PAWR: variants seen among roughly 807,000 people sequenced by gnomAD.
PAWR encodes the protein pro-apoptotic WT1 regulator, also known as PRKC apoptosis WT1 regulator protein.
In PAWR, 23 loss-of-function variants were observed where a neutral mutation model predicts 32.0. That is an observed-to-expected ratio of 0.72 (90% CI 0.52 to 1.02). The LOEUF is 1.02. PAWR is among the 50% of genes least tolerant of loss of function. The pLI is 0.00. For missense variants in PAWR, 457 were observed against 437.7 expected, an observed-to-expected ratio of 1.04 and a Z score of -0.39; for synonymous variants, 226 against 187.1, an observed-to-expected ratio of 1.21 and a Z score of -1.70.
At chr12:79,688,535 T>A (rs1592562823) in intron 2 of PAWR, 1 of 151,478 alleles carries the variant, frequency 6.6e-6, no homozygotes, top group Non-Finnish European at 1.5e-5. Flanking sequence ...CTAAAGCAAT[T>A]TAATGAATAA....
At position 79,682,253 on chromosome 12, in the gene PAWR, T is replaced by C. The variant is rs556938863; in HGVS notation, c.516+7476A>G. On this transcript the variant is annotated intron_variant, in intron 2 of 6. Coordinates refer to ENST00000328827, the MANE Select transcript of PAWR (RefSeq NM_002583.4). ...TGCAGGCTCGACCTCCTGGGCTCAA[T>C]TGATTCTCCCACCTTAGCTTCTCAA... Among the ~76,000 whole-genome samples the C allele has an allele frequency of 3.1e-4, 47 of 150,490 alleles. No individual in the cohort carries two copies. In the South Asian group the frequency reaches 3.3e-3, roughly 11 times the overall value.
chr12:79,672,458 T>G (rs1023302597), intron 2 of PAWR, among the ~76,000 whole-genome samples: 1 of 152,130 alleles, frequency 6.6e-6, no homozygotes, highest in Non-Finnish European at 1.5e-5. Flanking sequence ...TTCTCCTACC[T>G]AGAACATTTT....
chr12:79,618,859 A>G (rs1221816536), intron 3 of PAWR, among the ~76,000 whole-genome samples: 1 of 152,110 alleles, frequency 6.6e-6, no homozygotes, highest in Non-Finnish European at 1.5e-5. Context: ...AGAAACAACT[A>G]TATAATTATT....
chr12:79,689,872 G>A lies in PAWR; in HGVS notation c.373C>T (p.Arg125Cys). ...ACGCCGTCCGGCTCCTCCTCGTCAC[G>A]CTGGGGCGGCGGTGCAGCCGAGGCA... is the stretch of plus-strand genomic sequence containing the variant. The part of the protein sequence containing the change: ...ASASAAPPPQ[R>C]DEEEPDGVPE... Residue 125 changes from arginine (R) to cysteine (C), a missense_variant, in exon 2 of 7, where the codon CGT (arginine) becomes TGT (cysteine). Transcript: ENST00000328827. The A allele has an allele frequency of 1.9e-6, 3 of 1,562,526 alleles. No homozygotes were observed. The highest frequency in any genetic ancestry group is 2.6e-6 in the Non-Finnish European group (3 of 1,155,026).
intron 2 of PAWR, among the ~76,000 whole-genome samples, chr12:79,686,036 G>A (rs1028183211): frequency 6.6e-6 from 1 of 152,160 alleles, no homozygotes; most frequent in Non-Finnish European, 1.5e-5. Context: ...GTGAACTTCA[G>A]TACATAAAGC....
intron 6 of PAWR, 128 bp downstream of exon 6, chr12:79,594,197 TCTTA>T (rs1873662675): frequency 3.7e-6 from 2 of 539,648 alleles, no homozygotes; most frequent in Non-Finnish European, 6.5e-6. Flanking sequence ...AAATGATACC[TCTTA>T]CTAATTATTA....
intron 2 of PAWR, among the ~76,000 whole-genome samples, chr12:79,666,702 G>A (rs1877622518): frequency 6.6e-6 from 1 of 152,154 alleles, no homozygotes; most frequent in African/African-American, 2.4e-5. Flanking sequence ...TTGGAAAATA[G>A]TTCTCACAAA....
intron 2 of PAWR, among the ~76,000 whole-genome samples, chr12:79,687,594 G>A (rs999614150): frequency 2.0e-5 from 3 of 151,956 alleles, no homozygotes; most frequent in African/African-American, 7.3e-5. Flanking sequence ...TTTCATACCC[G>A]AAAAATTTGC....
chr12:79,653,948 C>T (rs1245173508), intron 2 of PAWR, among the ~76,000 whole-genome samples: 2 of 152,274 alleles, frequency 1.3e-5, no homozygotes, highest in South Asian at 2.1e-4. Flanking sequence ...TTATAGCATC[C>T]TTATTTGTAC....
At chr12:79,669,795 C>T (rs573328969) in intron 2 of PAWR, among the ~76,000 whole-genome samples, 1 of 151,932 alleles carries the variant, frequency 6.6e-6, no homozygotes, top group East Asian at 1.9e-4. Flanking sequence ...TACAGTGGCA[C>T]AATCTTGGCT....
chr12:79,622,191 C>G (rs1875054667), intron 2 of PAWR, among the ~76,000 whole-genome samples: 1 of 151,842 alleles, frequency 6.6e-6, no homozygotes, highest in South Asian at 2.1e-4. Flanking sequence ...AGAAGGTGCA[C>G]TGGAATATTT....
At chr12:79,647,257 T>C (rs1172745970) in intron 2 of PAWR, among the ~76,000 whole-genome samples, 1 of 152,002 alleles carries the variant, frequency 6.6e-6, no homozygotes, top group East Asian at 1.9e-4. Context: ...GCAGAGATAA[T>C]TACTAAATTT....
chr12:79,625,518 A>T (rs997045708), intron 2 of PAWR, among the ~76,000 whole-genome samples: 4 of 152,186 alleles, frequency 2.6e-5, no homozygotes, highest in African/African-American at 7.2e-5. Context: ...ATTAAAAATT[A>T]AAATTTAAAA....
chr12:79,642,358 G>GCCTACATTAGGTCAGATGTATTA (rs1266361412), intron 2 of PAWR, among the ~76,000 whole-genome samples: 2 of 152,086 alleles, frequency 1.3e-5, no homozygotes, highest in Non-Finnish European at 2.9e-5. Context: ...TCAAGCACAT[G>GCCTACATTAGGTCAGATGTATTA]CCTACATTAG....
intron 2 of PAWR, among the ~76,000 whole-genome samples, chr12:79,682,369 T>C (rs928975997): frequency 1.3e-5 from 2 of 152,202 alleles, no homozygotes; most frequent in East Asian, 1.9e-4. Context: ...TGCCACAGAA[T>C]TGTAATCCAC....
rs1592564902 is a variant in PAWR at position 79,690,106 on chromosome 12, T to C, written c.139A>G (p.Ser47Gly). 1.3e-6 allele frequency: 2 copies of C among 1,492,908 alleles called. No homozygotes were observed. Among genetic ancestry groups the C allele is most frequent in the Non-Finnish European group, 1.8e-6 (2 of 1,125,766 alleles). The allele number at this position is 1,492,908 out of a possible 1,614,324, so 92.5% of individuals were successfully genotyped here. A position where few individuals can be genotyped will look rare whatever the true frequency, so the allele number is the denominator to read the frequency against. Residue 47 changes from serine (S) to glycine (G), a missense_variant, in exon 2 of 7, where the codon AGC (serine) becomes GGC (glycine). Ser to Gly is a moderately conservative substitution (Grantham distance 56, BLOSUM62 0). Transcript: ENST00000328827. Reference protein sequence around the residue: ...PGPAPPGGGSSDAAGKPPAGA... With the variant: ...PGPAPPGGGSGDAAGKPPAGA... ...GCGGGGGGCTTCCCAGCGGCGTCGCTGCTGCCCCCTCCCGGGGGGGCCGGG... is the reference window on the plus strand; with the variant it reads ...GCGGGGGGCTTCCCAGCGGCGTCGCCGCTGCCCCCTCCCGGGGGGGCCGGG...
intron 2 of PAWR, among the ~76,000 whole-genome samples, chr12:79,628,744 T>C (rs1441602373): frequency 6.6e-6 from 1 of 152,054 alleles, no homozygotes; most frequent in African/African-American, 2.4e-5. Flanking sequence ...TGAATAAATA[T>C]AAGAAACTGT....
chr12:79,628,735 G>T (rs189118315), intron 2 of PAWR, among the ~76,000 whole-genome samples: 1 of 152,036 alleles, frequency 6.6e-6, no homozygotes, highest in African/African-American at 2.4e-5. Context: ...GTCAATACAT[G>T]AATAAATATA....
chr12:79,656,980 G>GA (rs144122976), intron 2 of PAWR, among the ~76,000 whole-genome samples: 1 of 151,748 alleles, frequency 6.6e-6, no homozygotes, highest in African/African-American at 2.4e-5. Flanking sequence ...TTCTGAAGAG[G>GA]AAAAAAACAG....
Sources: allele counts gnomAD v4.1 joint callset (sites outside exome capture counted in the v4.1 genomes callset), GRCh38; gene constraint gnomAD v4.1.1; transcripts MANE v1.5; gene names NCBI Gene and HGNC (gene_info 2026-07-23, HGNC 2026-07-21).